The following CRX variants were observed in gnomAD, a reference collection of about 807,000 sequenced individuals.
CRX encodes the protein cone-rod homeobox, also known as cone-rod homeobox protein.
In CRX, 5 loss-of-function variants were observed where a neutral mutation model predicts 13.1. That is an observed-to-expected ratio of 0.38 (90% CI 0.20 to 0.80). The LOEUF is 0.80. Ranked by LOEUF, CRX falls within the 30% of genes least tolerant of loss-of-function variation. CRX has a pLI of 0.43. For synonymous variants in CRX, 179 were observed against 171.1 expected, an observed-to-expected ratio of 1.05 and a Z score of -0.36; for missense variants, 351 against 391.8, an observed-to-expected ratio of 0.90 and a Z score of 0.88.
intron 2 of CRX, among the ~76,000 whole-genome samples, chr19:47,835,620 G>GTTTTTTTTTTTTT (rs34872129): frequency 9.8e-6 from 1 of 102,212 alleles, no homozygotes; most frequent in African/African-American, 4.1e-5. Flanking sequence ...TTTAGCTCTT[G>GTTTTTTTTTTTTT]TTTTTTTTTT....
chr19:47,836,849 T>C (rs1968123361), intron 3 of CRX, among the ~76,000 whole-genome samples: 1 of 152,108 alleles, frequency 6.6e-6, no homozygotes, highest in Admixed American at 6.6e-5. Flanking sequence ...ACACTCAGAG[T>C]AGTAGAAAAT....
intron 1 of CRX, among the ~76,000 whole-genome samples, chr19:47,828,416 A>G (rs1968002740): frequency 1.3e-5 from 2 of 152,102 alleles, no homozygotes; most frequent in African/African-American, 2.4e-5. Context: ...GGAGCTCACA[A>G]TAAACACCAT....
chr19:47,838,002 C>A (rs1968140051), intron 3 of CRX, among the ~76,000 whole-genome samples: 1 of 151,928 alleles, frequency 6.6e-6, no homozygotes, highest in Non-Finnish European at 1.5e-5. Context: ...TATGTGCATA[C>A]ACACGTGTGT....
chr19:47,840,888 A>G lies in CRX; in HGVS notation c.*921A>G, dbSNP rs916281196. ...TCCATCATGCCCGGCTAATTTTTCTATTATTAGTAGAGACAGGGTTTTACC... is the reference window on the plus strand; with the variant it reads ...TCCATCATGCCCGGCTAATTTTTCTGTTATTAGTAGAGACAGGGTTTTACC... On this transcript the variant is annotated 3_prime_UTR_variant, in exon 4 of 4. Transcript: ENST00000221996. 1 of 149,750 alleles carries G rather than the reference A, an allele frequency of 6.7e-6. No homozygotes were observed. Among genetic ancestry groups the G allele is most frequent in the African/African-American group, 2.5e-5 (1 of 40,524 alleles). 9.3% of individuals were successfully genotyped at this position (149,750 alleles called of 1,614,324 possible). A position where few individuals can be genotyped will look rare whatever the true frequency, so the allele number is the denominator to read the frequency against.
At chr19:47,823,642 G>A (rs1339221759) in intron 1 of CRX, among the ~76,000 whole-genome samples, 2 of 148,062 alleles carry the variant, frequency 1.4e-5, no homozygotes, top group Non-Finnish European at 3.0e-5. Context: ...GAAGCCACAT[G>A]AGTCTGGTTT....
Position 47,839,565 on chromosome 19 carries a change from C to T in CRX, c.498C>T (p.Ala166=), listed in dbSNP as rs748233985. 1.2e-6 allele frequency: 2 copies of T among 1,612,636 alleles called. No individual in the cohort carries two copies. The highest frequency in any genetic ancestry group is 2.2e-5 in the East Asian group (1 of 44,840). Residue 166 remains alanine (A), a synonymous_variant, in exon 4 of 4, where the codon GCC becomes GCT. Transcript: ENST00000221996. This position sits in a 1 kb window ranked among gnomAD's most constrained non-coding sequence, Gnocchi z 4.6. ...CCACTGTGTCCATCTGGAGCCCAGCCTCAGAGTCCCCTTTGCCTGAGGCGC... is the reference window on the plus strand; with the variant it reads ...CCACTGTGTCCATCTGGAGCCCAGCTTCAGAGTCCCCTTTGCCTGAGGCGC... The part of the protein sequence containing the change: ...AVATVSIWSP[A]SESPLPEAQR...
In CRX at chr19:47,842,866, T is replaced by G. The variant is rs1212376591; in HGVS notation, c.*2899T>G. The stretch of plus-strand genomic sequence containing the variant: ...TTCTCCTTATTCACCGGGGAGGCTG[T>G]GTCTTGTGCAAACAAGTCATAGAAA... On this transcript the variant is annotated 3_prime_UTR_variant, in exon 4 of 4. Transcript: ENST00000221996. 6.6e-6 allele frequency: 1 copy of G among 152,304 alleles called. No individual in the cohort carries two copies. The highest frequency in any genetic ancestry group is 1.5e-5 in the Non-Finnish European group (1 of 68,108). 9.4% of individuals were successfully genotyped at this position (152,304 alleles called of 1,614,324 possible).
At chr19:47,831,306 C>CAAAAAAA (rs5828320) in intron 1 of CRX, among the ~76,000 whole-genome samples, 10 of 78,514 alleles carry the variant, frequency 1.3e-4, no homozygotes, top group African/African-American at 2.4e-4. Flanking sequence ...GACTCTGTCT[C>CAAAAAAA]AAAAAAAAAA....
At chr19:47,831,969 C>A (rs928676171) in intron 1 of CRX, among the ~76,000 whole-genome samples, 1 of 150,838 alleles carries the variant, frequency 6.6e-6, no homozygotes, top group Non-Finnish European at 1.5e-5. Context: ...GAACTCCCGA[C>A]CTCAGGTGAT....
chr19:47,829,524 T>C (rs1968018114), intron 1 of CRX, among the ~76,000 whole-genome samples: 1 of 151,870 alleles, frequency 6.6e-6, no homozygotes, highest in African/African-American at 2.4e-5. Flanking sequence ...AGAGACAGGG[T>C]TTTGCCATGT....
intron 2 of CRX, among the ~76,000 whole-genome samples, chr19:47,835,732 C>T (rs913467111): frequency 2.6e-5 from 4 of 151,164 alleles, no homozygotes; most frequent in Non-Finnish European, 5.9e-5. Flanking sequence ...AGCGATTCTC[C>T]TCCCTCAGCC....
Position 47,840,018 on chromosome 19 carries a change from T to C in CRX, c.*51T>C. 6.2e-7 allele frequency: 1 copy of C among 1,600,218 alleles called. No individual in the cohort carries two copies. Among genetic ancestry groups the C allele is most frequent in the Non-Finnish European group, 8.5e-7 (1 of 1,175,776 alleles). On this transcript the variant is annotated 3_prime_UTR_variant, in exon 4 of 4. Transcript: ENST00000221996. ...TCGGGCCTCGGGACCCTTTCTCTTC[T>C]GAATCTGCTTCCCTGCAGTTTAGAT...
In CRX at chr19:47,839,271, TG is replaced by T; in HGVS notation, c.253-46del. ...ATCCCCGGGCACCCTGCGGCTCTCC[TG>T]GGCCTCTTCCCCACTTACCCACCCC... On this transcript the variant is annotated intron_variant, in intron 3 of 3. Transcript: ENST00000221996. The surrounding 1 kb of genome is among the most constrained non-coding windows in gnomAD (Gnocchi z 4.6). The T allele has an allele frequency of 6.3e-7, 1 of 1,588,348 alleles. No individual in the cohort carries two copies. The highest frequency in any genetic ancestry group is 8.6e-7 in the Non-Finnish European group (1 of 1,167,470).
In CRX at chr19:47,843,044, C is replaced by G. The variant is rs965939233; in HGVS notation, c.*3077C>G. The stretch of plus-strand genomic sequence containing the variant: ...GGTCTTCTGAGACTCCACCAGGAGC[C>G]GGAGAGGGCAGGGAGCCAAATCCAG... On this transcript the variant is annotated 3_prime_UTR_variant, in exon 4 of 4. Coordinates refer to ENST00000221996, the MANE Select transcript of CRX (RefSeq NM_000554.6). 3.3e-5 allele frequency: 5 copies of G among 152,142 alleles called. No homozygotes were observed. The allele number at this position is 152,142 out of a possible 1,614,324, so 9.4% of individuals were successfully genotyped here.
chr19:47,826,097 T>G (rs1422440144), intron 1 of CRX, among the ~76,000 whole-genome samples: 1 of 152,168 alleles, frequency 6.6e-6, no homozygotes, highest in East Asian at 1.9e-4. Flanking sequence ...GTGGGGCAGG[T>G]TCACCAGTTT....
chr19:47,830,255 G>C (rs957670367), intron 1 of CRX, among the ~76,000 whole-genome samples: 1 of 151,514 alleles, frequency 6.6e-6, no homozygotes, highest in Admixed American at 6.6e-5. Flanking sequence ...GCTGCAGTGA[G>C]CTATGGCAAC....
At position 47,834,405 on chromosome 19, in the gene CRX, G is replaced by T; in HGVS notation, c.-35-4G>T. The T allele has an allele frequency of 6.8e-7, 1 of 1,471,666 alleles. No homozygotes were observed. The highest frequency in any genetic ancestry group is 1.1e-5 in the South Asian group (1 of 88,108). 91.2% of individuals were successfully genotyped at this position (1,471,666 alleles called of 1,614,324 possible). ...GAGTGAGCATCCCTCCTCTTCTCTT[G>T]CAGGCCCCCTGACTTGGGCCTCAGT... On this transcript the variant is annotated splice_polypyrimidine_tract_variant and splice_region_variant and intron_variant, in intron 1 of 3. Coordinates refer to ENST00000221996, the MANE Select transcript of CRX (RefSeq NM_000554.6).
At position 47,834,439 on chromosome 19, in the gene CRX, A is replaced by G; in HGVS notation, c.-5A>G. ...CTGACTTGGGCCTCAGTGTCCCCGA[A>G]GATCATGATGGCGTATATGAACCCG... On this transcript the variant is annotated 5_prime_UTR_variant, in exon 2 of 4. Transcript: ENST00000221996. 6.2e-7 allele frequency: 1 copy of G among 1,613,060 alleles called. No individual in the cohort carries two copies. Among genetic ancestry groups the G allele is most frequent in the Non-Finnish European group, 8.5e-7 (1 of 1,179,022 alleles).
At chr19:47,827,537 CT>C (rs71180887) in intron 1 of CRX, among the ~76,000 whole-genome samples, 10,822 of 89,890 alleles carry the variant, frequency 0.12, 255 homozygotes, top group Non-Finnish European at 0.13. Flanking sequence ...TTTCTGAAGG[CT>C]TTTTTTTTTT....
Sources: allele counts gnomAD v4.1 joint callset (sites outside exome capture counted in the v4.1 genomes callset), GRCh38; gene constraint gnomAD v4.1.1; non-coding constraint Gnocchi (gnomAD v3.1); transcripts MANE v1.5; gene names NCBI Gene and HGNC (gene_info 2026-07-23, HGNC 2026-07-21).